Variants in SAMMSON observed in about 807,000 individuals in gnomAD.
The protein encoded by SAMMSON is survival associated mitochondrial melanoma specific oncogenic non-coding RNA.
chr3:70,101,769 G>A (rs142333785), intron 4 of SAMMSON, among the ~76,000 whole-genome samples: 176 of 152,196 alleles, frequency 1.2e-3, no homozygotes, highest in Admixed American at 1.8e-3. Context: ...TGACTCGTAA[G>A]GAAACAGACC....
At chr3:70,240,551 C>T (rs1701657364) in intron 4 of SAMMSON, among the ~76,000 whole-genome samples, 1 of 152,114 alleles carries the variant, frequency 6.6e-6, no homozygotes, top group South Asian at 2.1e-4. Context: ...AACAGATGCA[C>T]TGGTTGGCTT....
chr3:70,100,831 A>G (rs1553715080), intron 4 of SAMMSON, among the ~76,000 whole-genome samples: 1 of 152,188 alleles, frequency 6.6e-6, no homozygotes, highest in Non-Finnish European at 1.5e-5. Flanking sequence ...TCCTGTCTCC[A>G]TTACACATAT....
intron 6 of SAMMSON, among the ~76,000 whole-genome samples, chr3:70,287,773 T>A (rs1575616270): frequency 6.6e-6 from 1 of 151,404 alleles, no homozygotes; most frequent in South Asian, 2.1e-4. Context: ...AACTTCTTCC[T>A]GGTTTAGTCT....
intron 8 of SAMMSON, among the ~76,000 whole-genome samples, chr3:70,354,951 C>A (rs1702819136): frequency 6.6e-6 from 1 of 152,076 alleles, no homozygotes; most frequent in Non-Finnish European, 1.5e-5. Context: ...ATCTTGGTTT[C>A]TGCTTCTTGG....
intron 3 of SAMMSON, among the ~76,000 whole-genome samples, chr3:70,028,181 TCCTTCCTTTCTTTCTTTCTTTCTC>T (rs1489695194): frequency 4.0e-5 from 3 of 75,442 alleles, no homozygotes; most frequent in Non-Finnish European, 5.8e-5. Flanking sequence ...CTTCCTTCCT[TCCTTCCTTTCTTTCTTTCTTTCTC>T]TCTTTCTTTC....
chr3:70,321,485 C>T (rs1031300862), intron 7 of SAMMSON, among the ~76,000 whole-genome samples: 2 of 151,938 alleles, frequency 1.3e-5, no homozygotes, highest in African/African-American at 2.4e-5. Flanking sequence ...CATCCATTCC[C>T]GTTAATGGAT....
intron 4 of SAMMSON, among the ~76,000 whole-genome samples, chr3:70,117,411 C>G (rs1041432110): frequency 3.3e-5 from 5 of 152,132 alleles, no homozygotes; most frequent in Non-Finnish European, 5.9e-5. Flanking sequence ...AATGTCTTGT[C>G]TGTTTGAAAT....
At chr3:70,044,256 CA>C (rs2067115795) in intron 3 of SAMMSON, among the ~76,000 whole-genome samples, 1 of 151,886 alleles carries the variant, frequency 6.6e-6, no homozygotes, top group Non-Finnish European at 1.5e-5. Context: ...AGCAAATTGG[CA>C]AAATGGCCTC....
chr3:70,033,312 G>A (rs976177418), intron 3 of SAMMSON, among the ~76,000 whole-genome samples: 2 of 152,042 alleles, frequency 1.3e-5, no homozygotes, highest in East Asian at 3.9e-4. Flanking sequence ...ATTCAGGCTG[G>A]GCTTTCATGA....
intron 6 of SAMMSON, among the ~76,000 whole-genome samples, chr3:70,255,958 C>A (rs1367463725): frequency 6.6e-6 from 1 of 151,500 alleles, no homozygotes; most frequent in South Asian, 2.1e-4. Context: ...TTTTACAACA[C>A]GTAATTGAAA....
chr3:70,375,503 G>T (rs529682137), intron 9 of SAMMSON, among the ~76,000 whole-genome samples: 7 of 151,800 alleles, frequency 4.6e-5, no homozygotes, highest in African/African-American at 1.7e-4. Flanking sequence ...GCTATTTGCA[G>T]ATTTGTGATG....
intron 6 of SAMMSON, among the ~76,000 whole-genome samples, chr3:70,252,714 A>T (rs1393559886): frequency 6.6e-6 from 1 of 152,152 alleles, no homozygotes; most frequent in Non-Finnish European, 1.5e-5. Context: ...TTTAAATTGA[A>T]TGCCTCTACA....
chr3:70,237,540 C>T (rs1481029261), intron 4 of SAMMSON, among the ~76,000 whole-genome samples: 2 of 152,200 alleles, frequency 1.3e-5, no homozygotes, highest in Non-Finnish European at 2.9e-5. Context: ...TGATGTCTTA[C>T]ACCTCTTACT....
chr3:70,167,267 T>G (rs1439541221), intron 4 of SAMMSON, among the ~76,000 whole-genome samples: 2 of 151,938 alleles, frequency 1.3e-5, no homozygotes, highest in Non-Finnish European at 1.5e-5. Context: ...CTAATAAAAA[T>G]AAGTAGATTG....
chr3:70,177,841 G>A (rs934519338), intron 4 of SAMMSON, among the ~76,000 whole-genome samples: 5 of 152,068 alleles, frequency 3.3e-5, no homozygotes, highest in East Asian at 1.9e-4. Flanking sequence ...TTATGGTACC[G>A]CCGGCAACTT....
At chr3:70,180,936 GCAA>G (rs1276990178) in intron 4 of SAMMSON, among the ~76,000 whole-genome samples, 1 of 152,152 alleles carries the variant, frequency 6.6e-6, no homozygotes, top group Non-Finnish European at 1.5e-5. Flanking sequence ...TGAAAGAACA[GCAA>G]CAACAAATGG....
chr3:70,004,274 C>G (rs1470881747), intron 1 of SAMMSON, among the ~76,000 whole-genome samples: 23 of 151,932 alleles, frequency 1.5e-4, no homozygotes, highest in Admixed American at 1.5e-3. Context: ...AACACCAAGA[C>G]GTATAAAACA....
chr3:70,053,001 C>CA (rs2107589780), intron 3 of SAMMSON, among the ~76,000 whole-genome samples: 1 of 152,128 alleles, frequency 6.6e-6, no homozygotes, highest in South Asian at 2.1e-4. Context: ...AGTCAAAAGA[C>CA]AAAAAATGCG....
intron 4 of SAMMSON, among the ~76,000 whole-genome samples, chr3:70,141,921 A>G (rs2067529258): frequency 1.3e-5 from 2 of 152,194 alleles, no homozygotes; most frequent in South Asian, 2.1e-4. Flanking sequence ...AAAAGTAAAC[A>G]TACAAAAATT....
Sources: gnomAD v4.1 joint callset for allele counts (sites outside exome capture counted in the v4.1 genomes callset) on GRCh38, gnomAD v4.1.1 for gene constraint, MANE v1.5 for transcripts, NCBI Gene and HGNC (gene_info 2026-07-23, HGNC 2026-07-21) for gene names.